ATXN1: variants seen among roughly 807,000 people sequenced by gnomAD.
The protein encoded by ATXN1 is ataxin-1.
In ATXN1, 8 loss-of-function variants were observed where a neutral mutation model predicts 56.4. The ratio of observed to expected loss-of-function variants is 0.14; its 90% CI spans 0.08 to 0.26. ATXN1 has a LOEUF of 0.26. ATXN1 is among the 10% of genes least tolerant of loss of function. The pLI, the probability that ATXN1 is intolerant of heterozygous loss-of-function variation, is 1.00. For missense variants in ATXN1, 987 were observed against 1,106.5 expected (o/e 0.89, Z 1.53); for synonymous variants, 514 against 494.6 (o/e 1.04, Z -0.52).
In ATXN1 at chr6:16,514,148, G is replaced by A. The variant is rs1344931283; in HGVS notation, c.-299+8479C>T. ...ACCAGCCAGCCCCAGAAAGCAAAAC[G>A]GGAATGCAATCAATACATGCCTCCT... On this transcript the variant is annotated intron_variant, in intron 5 of 7. Transcript: ENST00000436367. Among the ~76,000 whole-genome samples, 5 of 152,026 alleles carry A rather than the reference G, an allele frequency of 3.3e-5. No individual in the cohort carries two copies. The East Asian group carries it at 5.8e-4, about 18-fold the overall frequency.
chr6:16,340,654 G>GCTCT (rs1480721427), intron 6 of ATXN1, among the ~76,000 whole-genome samples: 1 of 152,230 alleles, frequency 6.6e-6, no homozygotes, highest in African/African-American at 2.4e-5. Flanking sequence ...TGCAGGCACT[G>GCTCT]CTCTCTCTAA....
chr6:16,614,755 T>G (rs1763173896), intron 3 of ATXN1, among the ~76,000 whole-genome samples: 1 of 151,454 alleles, frequency 6.6e-6, no homozygotes, highest in East Asian at 1.9e-4. Context: ...AAACTCCGTC[T>G]CTACTAAAAA....
chr6:16,300,955 A>G lies in ATXN1; in HGVS notation c.*5374T>C, dbSNP rs1006604113. 17 of 152,656 alleles carry G rather than the reference A, an allele frequency of 1.1e-4. No homozygotes were observed. Among genetic ancestry groups the G allele is most frequent in the African/African-American group, 4.1e-4 (17 of 41,466 alleles). The allele number at this position is 152,656 out of a possible 1,614,324, so 9.5% of individuals were successfully genotyped here. A position where few individuals can be genotyped will look rare whatever the true frequency, so the allele number is the denominator to read the frequency against. ...GAGGGCTATATGTAACAAAAATAAC[A>G]ATAAGCATAGGTATAGTTTAAGAGC... On this transcript the variant is annotated 3_prime_UTR_variant, in exon 8 of 8. Transcript: ENST00000436367.
At chr6:16,389,815 T>C (rs1012373813) in intron 6 of ATXN1, among the ~76,000 whole-genome samples, 2 of 152,220 alleles carry the variant, frequency 1.3e-5, no homozygotes, top group Admixed American at 6.5e-5. Context: ...CACAGGTTCA[T>C]TGCACACAAC....
chr6:16,414,169 A>G (rs1256681642), intron 6 of ATXN1, among the ~76,000 whole-genome samples: 1 of 152,198 alleles, frequency 6.6e-6, no homozygotes, highest in Non-Finnish European at 1.5e-5. Flanking sequence ...GCTCTCACCT[A>G]TATTAAGTGT....
chr6:16,593,501 C>T (rs1188276118), intron 3 of ATXN1, among the ~76,000 whole-genome samples: 2 of 152,168 alleles, frequency 1.3e-5, no homozygotes, highest in African/African-American at 4.8e-5. Context: ...CAGGCATACA[C>T]CGACCACCCT....
At chr6:16,493,935 G>C (rs1434012354) in intron 5 of ATXN1, among the ~76,000 whole-genome samples, 1 of 152,186 alleles carries the variant, frequency 6.6e-6, no homozygotes, top group Non-Finnish European at 1.5e-5. Context: ...GAAGCTGCCA[G>C]GGCTGCTGGC....
At chr6:16,680,028 G>C (rs1172136007) in intron 2 of ATXN1, among the ~76,000 whole-genome samples, 1 of 152,210 alleles carries the variant, frequency 6.6e-6, no homozygotes, top group African/African-American at 2.4e-5. Flanking sequence ...ACATAGTCAA[G>C]TAAGTGTCAA....
In ATXN1 at chr6:16,359,099, C is replaced by T. The variant is rs192694488; in HGVS notation, c.-160-30629G>A. Among the ~76,000 whole-genome samples, 8 of 152,356 alleles carry T rather than the reference C, an allele frequency of 5.3e-5. No individual in the cohort carries two copies. In the East Asian group the frequency reaches 1.4e-3, roughly 26 times the overall value. On this transcript the variant is annotated intron_variant, in intron 6 of 7. Transcript: ENST00000436367. Reference sequence around the variant, plus strand: ...CTGCGCCCACTGCCTGGCCTCTCTCCGTTCCAGGCACCCACTCAGATCTCA... The same window carrying T: ...CTGCGCCCACTGCCTGGCCTCTCTCTGTTCCAGGCACCCACTCAGATCTCA...
intron 6 of ATXN1, among the ~76,000 whole-genome samples, chr6:16,428,796 G>A (rs749037576): frequency 4.6e-5 from 7 of 152,082 alleles, no homozygotes; most frequent in African/African-American, 9.7e-5. Context: ...CCAGACCGAC[G>A]TGATGCTTTC....
intron 4 of ATXN1, among the ~76,000 whole-genome samples, chr6:16,528,206 C>T (rs1204744690): frequency 6.6e-6 from 1 of 151,368 alleles, no homozygotes; most frequent in Non-Finnish European, 1.5e-5. Context: ...GAGGCTGAGG[C>T]AGCAGAATCT....
intron 6 of ATXN1, among the ~76,000 whole-genome samples, chr6:16,456,901 C>A (rs918482290): frequency 6.6e-6 from 1 of 152,174 alleles, no homozygotes; most frequent in African/African-American, 2.4e-5. Context: ...TAGGATCCCT[C>A]CTCAGACTAG....
chr6:16,409,611 C>T (rs1220745490), intron 6 of ATXN1, among the ~76,000 whole-genome samples: 4 of 150,172 alleles, frequency 2.7e-5, no homozygotes, highest in Non-Finnish European at 5.9e-5. Context: ...TAAGATCGTG[C>T]CACTGCATTC....
intron 6 of ATXN1, among the ~76,000 whole-genome samples, chr6:16,439,396 T>TGGGGGG (rs1561896256): frequency 6.4e-4 from 3 of 4,680 alleles, no homozygotes; most frequent in African/African-American, 9.9e-4. Flanking sequence ...AGGGTTGGGG[T>TGGGGGG]GGGGTGGGGA....
chr6:16,571,472 T>C (rs886361341), intron 4 of ATXN1, among the ~76,000 whole-genome samples: 20 of 152,120 alleles, frequency 1.3e-4, no homozygotes, highest in Admixed American at 1.2e-3. Context: ...AAAGATGTCA[T>C]TCTTTTATAC....
At chr6:16,324,329 T>C (rs987600843) in intron 7 of ATXN1, among the ~76,000 whole-genome samples, 8 of 152,016 alleles carry the variant, frequency 5.3e-5, no homozygotes, top group African/African-American at 1.9e-4. Flanking sequence ...TATGCACCTG[T>C]GGTCCTAGCT....
rs1761037114 is a variant in ATXN1 at position 16,760,206 on chromosome 6, G to T, written c.-730+1092C>A. ...GAGTGAACGAGCAGTGGGGCTCCAG[G>T]GCGCATCCCAATCCCCGCAGCGCCT... On this transcript the variant is annotated intron_variant, in intron 1 of 7. Coordinates refer to ENST00000436367, the MANE Select transcript of ATXN1 (RefSeq NM_001128164.2). This position sits in a 1 kb window ranked among gnomAD's most constrained non-coding sequence, Gnocchi z 5.3. Among the ~76,000 whole-genome samples, 1 of 151,936 alleles carries T rather than the reference G, an allele frequency of 6.6e-6. No homozygotes were observed. The highest frequency in any genetic ancestry group is 6.5e-5 in the Admixed American group (1 of 15,272).
At chr6:16,601,482 A>G (rs1581874554) in intron 3 of ATXN1, among the ~76,000 whole-genome samples, 1 of 150,602 alleles carries the variant, frequency 6.6e-6, no homozygotes, top group South Asian at 2.1e-4. Flanking sequence ...TTCTTCCAAC[A>G]CTGCTAAAAT....
intron 6 of ATXN1, among the ~76,000 whole-genome samples, chr6:16,380,237 A>T (rs1762223420): frequency 6.6e-6 from 1 of 152,206 alleles, no homozygotes; most frequent in South Asian, 2.1e-4. Flanking sequence ...TAAGATTCAT[A>T]CCCACGGAAC....
Sources: gnomAD v4.1 joint callset for allele counts (sites outside exome capture counted in the v4.1 genomes callset) on GRCh38, gnomAD v4.1.1 for gene constraint, Gnocchi (gnomAD v3.1) non-coding constraint, MANE v1.5 for transcripts, NCBI Gene and HGNC (gene_info 2026-07-23, HGNC 2026-07-21) for gene names.